MYO16: variants seen among roughly 807,000 people sequenced by gnomAD.
MYO16 encodes the protein unconventional myosin-XVI.
Under a neutral mutation model 205.3 loss-of-function variants are expected in MYO16, and 94 were observed. The ratio of observed to expected loss-of-function variants is 0.46; its 90% confidence interval spans 0.39 to 0.54. MYO16 has a LOEUF of 0.54. MYO16 is among the 20% of genes least tolerant of loss of function. MYO16 has a pLI of 0.00. For missense variants in MYO16, 2,315 were observed against 2,387.5 expected (o/e 0.97, Z 0.63); for synonymous variants, 988 against 954.0 (o/e 1.04, Z -0.66).
intron 34 of MYO16, among the ~76,000 whole-genome samples, chr13:109,190,802 T>A (rs2139943667): frequency 6.6e-6 from 1 of 152,276 alleles, no homozygotes; most frequent in South Asian, 2.1e-4. Flanking sequence ...TCAAGAATAA[T>A]ATGCAAGGTT....
rs1555301863 is a variant in MYO16, at chr13:108,816,410, G to GCAC, written c.868-3926_868-3925insACC. On this transcript the variant is annotated intron_variant, in intron 7 of 34. Transcript: ENST00000457511. ...TTTACGCTAGAATGGGCATGAAGTA[G>GCAC]CGCCCCCCACCCACCCCAAGTAAGA... Among the ~76,000 whole-genome samples, 4 of 25,618 alleles carry GCAC rather than the reference G, an allele frequency of 1.6e-4. No homozygotes were observed. In the Non-Finnish European group the frequency reaches 7.9e-3, roughly 51 times the overall value. 16.8% of individuals were successfully genotyped at this position (25,618 alleles called of 152,430 possible).
intron 16 of MYO16, among the ~76,000 whole-genome samples, chr13:108,934,228 C>T (rs1186701435): frequency 6.6e-6 from 1 of 152,090 alleles, no homozygotes; most frequent in Admixed American, 6.6e-5. Flanking sequence ...ATAAGCAAGC[C>T]CTTTTCTCCT....
the MYO16 span, among the ~76,000 whole-genome samples, chr13:108,503,812 C>A: frequency 1.1e-4 from 17 of 151,922 alleles, no homozygotes; most frequent in African/African-American, 4.1e-4. Flanking sequence ...GAATATATCA[C>A]AATAGTAAAT....
chr13:108,828,548 A>T (rs894402764), intron 9 of MYO16, among the ~76,000 whole-genome samples: 9 of 152,226 alleles, frequency 5.9e-5, no homozygotes, highest in Non-Finnish European at 1.0e-4. Flanking sequence ...CCCATGGAAT[A>T]ACAGTGCCTT....
chr13:108,842,121 A>T (rs988084710), intron 9 of MYO16, among the ~76,000 whole-genome samples: 1 of 152,112 alleles, frequency 6.6e-6, no homozygotes, highest in Non-Finnish European at 1.5e-5. Context: ...CCTCAAAAAA[A>T]ATCAAGAAGC....
In MYO16 at chr13:109,199,829, C is replaced by T. The variant is rs139177285; in HGVS notation, c.5416-6780C>T. Among the ~76,000 whole-genome samples the T allele has an allele frequency of 1.6e-3, 238 of 152,158 alleles. 3 individuals are homozygous for T. Among genetic ancestry groups the T allele is most frequent in the African/African-American group, 5.6e-3 (231 of 41,526 alleles). On this transcript the variant is annotated intron_variant, in intron 34 of 34. Transcript: ENST00000457511. ...AATATCAAATAATGGTAAAGGAAGC[C>T]ATGAGTGTTTTTGTTGTTACCAGTA...
Position 108,961,405 on chromosome 13 carries a change from T to C in MYO16, c.2038-134T>C, listed in dbSNP as rs528957505. 26 of 644,886 alleles carry C rather than the reference T, an allele frequency of 4.0e-5. No individual in the cohort carries two copies. The East Asian group carries it at 6.7e-4, about 17-fold the overall frequency. 39.9% of individuals were successfully genotyped at this position (644,886 alleles called of 1,614,324 possible). A position where few individuals can be genotyped will look rare whatever the true frequency, so the allele number is the denominator to read the frequency against. On this transcript the variant is annotated intron_variant, in intron 17 of 34. Transcript: ENST00000457511. ...GTAGTTTTCTTGCCATATCGAACAT[T>C]TGGGATCTGCAAACTCCCAACCTCA...
chr13:108,740,699 C>T (rs1443899444), intron 4 of MYO16, among the ~76,000 whole-genome samples: 1 of 152,192 alleles, frequency 6.6e-6, no homozygotes, highest in African/African-American at 2.4e-5. Flanking sequence ...GAGGTTTCTG[C>T]TGCCTTTTGT....
chr13:108,922,994 A>C (rs1217140903), intron 16 of MYO16, among the ~76,000 whole-genome samples: 1 of 151,680 alleles, frequency 6.6e-6, no homozygotes, highest in Non-Finnish European at 1.5e-5. Context: ...GGTTCCATGA[A>C]CCTCCCAGTC....
intron 12 of MYO16, among the ~76,000 whole-genome samples, chr13:108,868,168 G>C (rs1006651785): frequency 2.6e-5 from 4 of 152,146 alleles, no homozygotes; most frequent in Non-Finnish European, 4.4e-5. Context: ...GTTGGAAAGA[G>C]TGGAATTGGT....
At chr13:108,917,132 A>T (rs1259569268) in intron 16 of MYO16, among the ~76,000 whole-genome samples, 2 of 152,120 alleles carry the variant, frequency 1.3e-5, no homozygotes, top group African/African-American at 4.8e-5. Context: ...CATCAGTTTT[A>T]CTTTGTATGT....
rs571187343 is a variant in MYO16, at chr13:109,138,116, G to C, written c.4052-2148G>C. On this transcript the variant is annotated intron_variant, in intron 31 of 34. Transcript: ENST00000457511. ...TGAATAAAAGGTCATGCTGAGATTTGAGCCCAGATCCCTCTGATTCCAAAG... is the reference window on the plus strand; with the variant it reads ...TGAATAAAAGGTCATGCTGAGATTTCAGCCCAGATCCCTCTGATTCCAAAG... Among the ~76,000 whole-genome samples the C allele has an allele frequency of 3.3e-5, 5 of 152,328 alleles. No individual in the cohort carries two copies. The South Asian group carries it at 1.0e-3, about 32-fold the overall frequency.
intron 27 of MYO16, among the ~76,000 whole-genome samples, chr13:109,061,147 C>G (rs1887580776): frequency 6.6e-6 from 1 of 152,126 alleles, no homozygotes; most frequent in Non-Finnish European, 1.5e-5. Context: ...GAGTTAGGGC[C>G]TTTCTCTGGA....
chr13:108,667,320 GTT>G (rs770988720), intron 2 of MYO16, among the ~76,000 whole-genome samples: 10 of 128,512 alleles, frequency 7.8e-5, no homozygotes, highest in Non-Finnish European at 1.2e-4. Context: ...TTTCTGTTTT[GTT>G]TTTTTTTTTT....
chr13:108,623,766 G>C (rs1879626159), intron 1 of MYO16, among the ~76,000 whole-genome samples: 1 of 152,086 alleles, frequency 6.6e-6, no homozygotes. Context: ...GACTTCATAG[G>C]AAATAGGAAA....
intron 12 of MYO16, among the ~76,000 whole-genome samples, chr13:108,874,490 A>G (rs1879226234): frequency 6.6e-6 from 1 of 152,132 alleles, no homozygotes; most frequent in Admixed American, 6.5e-5. Context: ...ACATCTCAAA[A>G]GGCAAGCAAA....
At chr13:108,614,005 A>G (rs2139323288) in intron 1 of MYO16, among the ~76,000 whole-genome samples, 1 of 152,244 alleles carries the variant, frequency 6.6e-6, no homozygotes, top group East Asian at 1.9e-4. Context: ...AAAATGAAAT[A>G]AAAGTAATTC....
intron 27 of MYO16, among the ~76,000 whole-genome samples, chr13:109,072,240 G>C (rs1887945729): frequency 6.6e-6 from 1 of 152,128 alleles, no homozygotes. Context: ...ATGTTATAAA[G>C]TAACTTGGAG....
chr13:108,827,247 T>G (rs436375), intron 9 of MYO16, among the ~76,000 whole-genome samples: 92,635 of 151,670 alleles, frequency 0.61, 29,211 homozygotes, highest in Middle Eastern at 0.72. Flanking sequence ...AGGTGATTTG[T>G]TTTTTTTTCC....
Sources: gnomAD v4.1 joint callset for allele counts (sites outside exome capture counted in the v4.1 genomes callset) on GRCh38, gnomAD v4.1.1 for gene constraint, MANE v1.5 for transcripts, NCBI Gene and HGNC (gene_info 2026-07-23, HGNC 2026-07-21) for gene names.